ETHE1: variants seen among roughly 807,000 people sequenced by gnomAD.
ETHE1 encodes ETHE1 persulfide dioxygenase.
A neutral mutation model predicts 25.7 loss-of-function variants in ETHE1; 16 were observed. That is an observed-to-expected ratio of 0.62 (90% CI 0.42 to 0.95). The LOEUF is 0.95. Ranked by LOEUF, ETHE1 falls within the 40% of genes least tolerant of loss-of-function variation. The probability of loss-of-function intolerance (pLI) is 0.00; values close to 1 mark genes in which losing one functional copy is unlikely to be tolerated. For missense variants in ETHE1, 300 were observed against 333.6 expected (o/e 0.90, Z 0.79); for synonymous variants, 139 against 135.9 (o/e 1.02, Z -0.16).
At chr19:43,526,932 C>G in intron 1 of ETHE1, 165 bp downstream of exon 1, 1 of 1,499,478 alleles carries the variant, frequency 6.7e-7, no homozygotes, top group Non-Finnish European at 8.9e-7. Context: ...CCCCAGACCA[C>G]TCACCTTTAA....
intron 4 of ETHE1, among the ~76,000 whole-genome samples, chr19:43,510,879 T>G (rs557021702): frequency 3.4e-4 from 52 of 152,194 alleles, no homozygotes; most frequent in Non-Finnish European, 6.6e-4. Flanking sequence ...TGAGCAAAGC[T>G]TCATCTGTAG....
chr19:43,523,957 T>C (rs1972188064), intron 3 of ETHE1, among the ~76,000 whole-genome samples: 1 of 150,714 alleles, frequency 6.6e-6, no homozygotes, highest in African/African-American at 2.5e-5. Flanking sequence ...AAAATGTGCC[T>C]GGGCGCAGTG....
intron 6 of ETHE1, 127 bp from the exon 7 acceptor site, chr19:43,507,029 T>G: frequency 1.1e-6 from 1 of 930,376 alleles, no homozygotes; most frequent in Non-Finnish European, 1.7e-6. Flanking sequence ...AGCCCACTCC[T>G]TCCCTCAGAC....
intron 3 of ETHE1, among the ~76,000 whole-genome samples, chr19:43,522,753 T>C (rs1972161229): frequency 6.6e-6 from 1 of 152,174 alleles, no homozygotes; most frequent in African/African-American, 2.4e-5. Flanking sequence ...AGTGCTGGGA[T>C]TACAGGCATG....
At position 43,526,623 on chromosome 19, in the gene ETHE1, G is replaced by C. The variant is rs765101470; in HGVS notation, c.118C>G (p.Leu40Val). Reference protein sequence around the residue: ...EPVSCTFTYLLGDRESREAVL... With the variant: ...EPVSCTFTYLVGDRESREAVL... ...GCCTCCCGGGACTCTCTGTCACCCA[G>C]CAGGTACGTGAAGGTGCAGCTCACA... The change falls in exon 2 of 7, where the codon CTG becomes GTG. Residue 40 changes from leucine (L) to valine (V), a missense_variant. Transcript: ENST00000292147. 1 of 1,614,114 alleles carries C rather than the reference G, an allele frequency of 6.2e-7. No individual in the cohort carries two copies. Among genetic ancestry groups the C allele is most frequent in the Admixed American group, 1.7e-5 (1 of 60,010 alleles).
intron 3 of ETHE1, among the ~76,000 whole-genome samples, chr19:43,518,737 C>A (rs1375113063): frequency 8.6e-6 from 1 of 116,644 alleles, no homozygotes; most frequent in South Asian, 2.9e-4. Context: ...GGCGACAGAG[C>A]GAGACTCTTG....
chr19:43,507,956 G>T lies in ETHE1; in HGVS notation c.700C>A (p.Pro234Thr), dbSNP rs1042019932. The T allele has an allele frequency of 1.9e-6, 3 of 1,613,898 alleles. No individual in the cohort carries two copies. The highest frequency in any genetic ancestry group is 2.5e-6 in the Non-Finnish European group (3 of 1,180,018). ...KIMGNLNLPK[P>T]QQIDFAVPAN... ...CCCAGCTGCTCACCTATCTGCTGAG[G>T]TTTAGGCAAGTTCAGGTTGCCCATG... Residue 234 changes from proline (P) to threonine (T), a missense_variant, in exon 6 of 7, where the codon CCT becomes ACT. Pro to Thr is a conservative substitution (Grantham distance 38). Coordinates refer to ENST00000292147, the MANE Select transcript of ETHE1 (RefSeq NM_014297.5).
At chr19:43,510,800 T>C (rs1194194296) in intron 4 of ETHE1, among the ~76,000 whole-genome samples, 1 of 152,080 alleles carries the variant, frequency 6.6e-6, no homozygotes, top group Non-Finnish European at 1.5e-5. Context: ...TGGGGGTCCT[T>C]AACCCTGGGT....
At chr19:43,506,935 G>C (rs201943705) in intron 6 of ETHE1, 33 bp from the exon 7 acceptor site, 7 of 1,612,336 alleles carry the variant, frequency 4.3e-6, no homozygotes, top group Non-Finnish European at 5.9e-6. Flanking sequence ...AAAACTAAGG[G>C]GCCTAGGTAG....
chr19:43,508,731 T>A, intron 5 of ETHE1, 44 bp downstream of exon 5: 1 of 1,456,520 alleles, frequency 6.9e-7, no homozygotes. Flanking sequence ...ACACTCCACT[T>A]TCAAAGTTAT....
intron 3 of ETHE1, among the ~76,000 whole-genome samples, chr19:43,512,116 A>C (rs1188262681): frequency 6.6e-6 from 1 of 152,194 alleles, no homozygotes; most frequent in Non-Finnish European, 1.5e-5. Flanking sequence ...GAGTCCATTA[A>C]ACCTCTTTTT....
intron 1 of ETHE1, 72 bp from the exon 2 acceptor site, chr19:43,526,731 G>T: frequency 6.2e-7 from 1 of 1,607,228 alleles, no homozygotes; most frequent in South Asian, 1.1e-5. Flanking sequence ...AGTCCAGACT[G>T]ACCCTATCCT....
intron 3 of ETHE1, among the ~76,000 whole-genome samples, chr19:43,522,538 A>G (rs1972156773): frequency 6.6e-6 from 1 of 152,140 alleles, no homozygotes; most frequent in Non-Finnish European, 1.5e-5. Flanking sequence ...GTGCAATGGC[A>G]CCATCTGGGC....
chr19:43,516,172 G>A (rs1972014734), intron 3 of ETHE1, among the ~76,000 whole-genome samples: 2 of 152,188 alleles, frequency 1.3e-5, no homozygotes, highest in South Asian at 4.1e-4. Context: ...AAAGTTCTTG[G>A]ATCCGGAATA....
intron 3 of ETHE1, among the ~76,000 whole-genome samples, chr19:43,517,167 T>C (rs1206491869): frequency 6.6e-6 from 1 of 151,280 alleles, no homozygotes; most frequent in Non-Finnish European, 1.5e-5. Flanking sequence ...CATGCACCCA[T>C]ACAGCCATTC....
At chr19:43,513,773 A>G (rs2203990) in intron 3 of ETHE1, among the ~76,000 whole-genome samples, 102,833 of 150,020 alleles carry the variant, frequency 0.69, 35,089 homozygotes, top group East Asian at 0.73. Context: ...CCAGGCTGGG[A>G]TGGAGTGGTG....
At chr19:43,509,800 A>G (rs1340195477) in intron 4 of ETHE1, among the ~76,000 whole-genome samples, 2 of 152,216 alleles carry the variant, frequency 1.3e-5, no homozygotes, top group African/African-American at 4.8e-5. Flanking sequence ...CGTCTCAAAA[A>G]AAAGAAGAAG....
chr19:43,510,059 G>A (rs1971878495), intron 4 of ETHE1, among the ~76,000 whole-genome samples: 2 of 152,146 alleles, frequency 1.3e-5, no homozygotes. Context: ...GAAGAGGCCT[G>A]GGGATGTGGC....
chr19:43,511,492 G>A lies in ETHE1; in HGVS notation c.450C>T (p.Ala150=). Residue 150 remains alanine, a synonymous_variant, in exon 4 of 7, where the codon GCC becomes GCT. Coordinates refer to ENST00000292147, the MANE Select transcript of ETHE1 (RefSeq NM_014297.5). ...GGATCAACAGGGCATCTCCAGTGAA[G>A]GCCATGCTGTGGTCATTCAGGACGA... ...VTFVLNDHSM[A]FTGDALLIRG... 6.2e-7 allele frequency: 1 copy of A among 1,614,196 alleles called. No individual in the cohort carries two copies. The highest frequency in any genetic ancestry group is 8.5e-7 in the Non-Finnish European group (1 of 1,180,040).
Sources: allele counts gnomAD v4.1 joint callset (sites outside exome capture counted in the v4.1 genomes callset), GRCh38; gene constraint gnomAD v4.1.1; transcripts MANE v1.5; gene names NCBI Gene and HGNC (gene_info 2026-07-23, HGNC 2026-07-21).